The following TLE1 variants were observed in gnomAD, a reference collection of about 807,000 sequenced individuals.
TLE1 encodes transducin-like enhancer protein 1.
A neutral mutation model predicts 89.8 loss-of-function variants in TLE1; 21 were observed. The ratio of observed to expected loss-of-function variants is 0.23; its 90% confidence interval spans 0.17 to 0.34. The LOEUF (loss-of-function observed/expected upper bound fraction) is 0.34. Ranked by LOEUF, TLE1 falls within the 10% of genes least tolerant of loss-of-function variation. The pLI is 1.00. For synonymous variants in TLE1, 447 were observed against 407.6 expected (o/e 1.10, Z -1.16); for missense variants, 795 against 1,031.2 (o/e 0.77, Z 3.14).
At chr9:81,643,284 T>G (rs930549603) in intron 6 of TLE1, among the ~76,000 whole-genome samples, 1 of 152,104 alleles carries the variant, frequency 6.6e-6, no homozygotes, top group Non-Finnish European at 1.5e-5. Flanking sequence ...TTGCCCAGGC[T>G]GGAGTACAAT....
At chr9:81,600,060 C>T in intron 14 of TLE1, 1 of 729,856 alleles carries the variant, frequency 1.4e-6, no homozygotes, top group Non-Finnish European at 2.6e-6. Flanking sequence ...GACCTAACTT[C>T]CTCTATCAAT....
At chr9:81,616,758 G>T (rs1824572345) in intron 9 of TLE1, 59 bp from the exon 10 acceptor site, 1 of 1,593,548 alleles carries the variant, frequency 6.3e-7, no homozygotes, top group Admixed American at 1.7e-5. Context: ...TTGAGGCACA[G>T]TTAGATTTCT....
chr9:81,680,929 TA>T (rs550412372), intron 4 of TLE1, among the ~76,000 whole-genome samples: 260 of 136,096 alleles, frequency 1.9e-3, no homozygotes, highest in East Asian at 8.0e-3. Flanking sequence ...CACACAGGGT[TA>T]AAAAAAAAAA....
At chr9:81,620,845 G>C (rs1825146711) in intron 8 of TLE1, 3 of 905,538 alleles carry the variant, frequency 3.3e-6, no homozygotes, top group Admixed American at 2.5e-5. Flanking sequence ...GGAGCTTGCT[G>C]TGTTGTATGT....
At position 81,611,869 on chromosome 9, in the gene TLE1, G is replaced by C. The variant is rs1483442769; in HGVS notation, c.1154C>G (p.Thr385Ser). Reference sequence around the variant, plus strand: ...ACTGGCGTAGGCAGCGCCTGGGCTGGTCAGCTCGCCGTTCATGCCAGCGTG... The same window carrying C: ...ACTGGCGTAGGCAGCGCCTGGGCTGCTCAGCTCGCCGTTCATGCCAGCGTG... ...VPHAGMNGEL[T>S]SPGAAYASLH... The change falls in exon 13 of 20, where the codon ACC becomes AGC. Residue 385 changes from threonine (T) to serine (S), a missense_variant. By Grantham distance (58) the Thr-to-Ser change is moderately conservative (BLOSUM62 1). Coordinates refer to ENST00000376499, the MANE Select transcript of TLE1 (RefSeq NM_005077.5). 1.3e-6 allele frequency: 2 copies of C among 1,558,238 alleles called. No homozygotes were observed. Among genetic ancestry groups the C allele is most frequent in the Admixed American group, 4.0e-5 (2 of 49,726 alleles).
chr9:81,646,559 A>T (rs976973736), intron 6 of TLE1, among the ~76,000 whole-genome samples: 2 of 152,230 alleles, frequency 1.3e-5, no homozygotes, highest in African/African-American at 4.8e-5. Context: ...CCACATACTC[A>T]TAAGAATAAG....
intron 4 of TLE1, among the ~76,000 whole-genome samples, chr9:81,669,861 G>A (rs762203483): frequency 2.6e-4 from 39 of 152,076 alleles, no homozygotes; most frequent in African/African-American, 1.9e-4. Context: ...TGGTTTGGCC[G>A]AGCGACTTTT....
intron 4 of TLE1, among the ~76,000 whole-genome samples, chr9:81,664,527 G>A (rs563572853): frequency 7.9e-5 from 12 of 152,116 alleles, no homozygotes; most frequent in South Asian, 2.1e-4. Flanking sequence ...TAATTATGCC[G>A]ATAAAATAAC....
intron 12 of TLE1, among the ~76,000 whole-genome samples, chr9:81,612,590 C>T (rs970257810): frequency 2.0e-5 from 3 of 152,118 alleles, no homozygotes; most frequent in Non-Finnish European, 2.9e-5. Flanking sequence ...CTGAAGCCTC[C>T]CCTAGCAGAA....
At chr9:81,648,691 G>T (rs986913971) in intron 6 of TLE1, among the ~76,000 whole-genome samples, 2 of 152,212 alleles carry the variant, frequency 1.3e-5, no homozygotes, top group African/African-American at 2.4e-5. Flanking sequence ...TGGAGAAGTG[G>T]TCTTGAAGAG....
chr9:81,639,162 G>A (rs899189630), intron 6 of TLE1, among the ~76,000 whole-genome samples: 1 of 152,048 alleles, frequency 6.6e-6, no homozygotes, highest in Non-Finnish European at 1.5e-5. Context: ...CTGTTTTCAA[G>A]CAATCCTCCT....
At position 81,630,850 on chromosome 9, in the gene TLE1, CTACT is replaced by C. The variant is rs558800093; in HGVS notation, c.594+2494_594+2497del. On this transcript the variant is annotated intron_variant, in intron 8 of 19. Transcript: ENST00000376499. ...TCATTTTTATACAAAGTTTGAAGAG[CTACT>C]TAATTTTATGTAACTGTAGCAAAAT... Among the ~76,000 whole-genome samples the C allele has an allele frequency of 4.1e-3, 621 of 152,304 alleles. 4 individuals carry two copies. Among genetic ancestry groups the C allele is most frequent in the Non-Finnish European group, 6.9e-3 (468 of 68,024 alleles).
In TLE1 at chr9:81,617,907, C is replaced by T. The variant is rs1436463652; in HGVS notation, c.712-1208G>A. Among the ~76,000 whole-genome samples the T allele has an allele frequency of 2.0e-5, 3 of 152,080 alleles. No homozygotes were observed. The South Asian group carries it at 6.2e-4, about 32-fold the overall frequency. On this transcript the variant is annotated intron_variant, in intron 9 of 19. Coordinates refer to ENST00000376499, the MANE Select transcript of TLE1 (RefSeq NM_005077.5). ...GGTTTAGTGGCGTGCATCTGTTAAT[C>T]CCAGCTACTCCGGAGGCTGAGGCAG...
intron 9 of TLE1, among the ~76,000 whole-genome samples, chr9:81,619,343 G>A (rs1395310340): frequency 1.3e-5 from 2 of 152,198 alleles, no homozygotes; most frequent in Non-Finnish European, 1.5e-5. Flanking sequence ...AATACTGGAG[G>A]TGGGTTTGCA....
At chr9:81,629,776 A>C (rs952991334) in intron 8 of TLE1, among the ~76,000 whole-genome samples, 2 of 152,218 alleles carry the variant, frequency 1.3e-5, no homozygotes, top group Non-Finnish European at 2.9e-5. Context: ...GTGTATCTAA[A>C]CACACCTAAA....
chr9:81,608,844 G>A (rs936740505), intron 14 of TLE1, among the ~76,000 whole-genome samples: 3 of 151,858 alleles, frequency 2.0e-5, no homozygotes, highest in African/African-American at 7.3e-5. Flanking sequence ...GGCTGAGACA[G>A]AAGAATTGCT....
Position 81,685,915 on chromosome 9 carries a change from C to A in TLE1, c.126-19G>T, listed in dbSNP as rs1221078400. 3 of 1,612,198 alleles carry A rather than the reference C, an allele frequency of 1.9e-6. 1 individual carries two copies. The highest frequency in any genetic ancestry group is 4.1e-4 in the Middle Eastern group (2 of 4,870). ...TTTAAGGCTAGGAAAACAAAACAGG[C>A]AACTTAATGTAAACATTATGTCACT... is the stretch of plus-strand genomic sequence containing the variant. On this transcript the variant is annotated intron_variant, in intron 2 of 19. Transcript: ENST00000376499.
At chr9:81,587,651 C>A (rs1416956500) in intron 17 of TLE1, 30 bp downstream of exon 17, 1 of 1,591,766 alleles carries the variant, frequency 6.3e-7, no homozygotes, top group African/African-American at 1.3e-5. Context: ...ACCTCCCAGA[C>A]TCCAGGGCAG....
chr9:81,601,601 G>GAAA lies in TLE1; in HGVS notation c.1332-8330_1332-8328dup, dbSNP rs199834935. 3.4e-5 allele frequency among the ~76,000 whole-genome samples: 4 copies of GAAA among 116,140 alleles called. No homozygotes were observed. In the South Asian group the frequency reaches 1.1e-3, roughly 32 times the overall value. 76.2% of individuals were successfully genotyped at this position (116,140 alleles called of 152,430 possible). A position where few individuals can be genotyped will look rare whatever the true frequency, so the allele number is the denominator to read the frequency against. ...GGAGAACAGCAGTGCTACAGTGCCA[G>GAAA]AAAAAAAAAAAAAAAGTCTAACTAA... On this transcript the variant is annotated intron_variant, in intron 14 of 19. Coordinates refer to ENST00000376499, the MANE Select transcript of TLE1 (RefSeq NM_005077.5).
Sources: allele counts gnomAD v4.1 joint callset (sites outside exome capture counted in the v4.1 genomes callset), GRCh38; gene constraint gnomAD v4.1.1; transcripts MANE v1.5; gene names NCBI Gene and HGNC (gene_info 2026-07-23, HGNC 2026-07-21).